The following SLC38A10 variants were observed in gnomAD, a reference collection of about 807,000 sequenced individuals.
SLC38A10 encodes solute carrier family 38 member 10, also known as Sodium-coupled neutral amino acid transporter 10.
Under a neutral mutation model 81.0 loss-of-function variants are expected in SLC38A10, and 53 were observed. The observed-to-expected ratio is 0.65, with a 90% CI of 0.53 to 0.82. SLC38A10 has a LOEUF of 0.82. Among genes scored for constraint, SLC38A10 ranks in the 40% least tolerant of loss-of-function variants. The pLI is 0.00. For synonymous variants in SLC38A10, 665 were observed against 655.3 expected (o/e 1.01, Z -0.23); for missense variants, 1,471 against 1,545.0 (o/e 0.95, Z 0.80).
chr17:81,294,983 T>C lies in SLC38A10; in HGVS notation c.-62A>G. 5 of 1,511,212 alleles carry C rather than the reference T, an allele frequency of 3.3e-6. 1 individual carries two copies. The South Asian group carries it at 6.2e-5, about 19-fold the overall frequency. The allele number at this position is 1,511,212 out of a possible 1,614,324, so 93.6% of individuals were successfully genotyped here. A position where few individuals can be genotyped will look rare whatever the true frequency, so the allele number is the denominator to read the frequency against. ...GGGGTCGCCGGGCTGCGGCCGGCTT[T>C]GGAAGCCCAGCCCGAGGCCACGGTC... On this transcript the variant is annotated 5_prime_UTR_variant, in exon 1 of 16. Coordinates refer to ENST00000374759, the MANE Select transcript of SLC38A10 (RefSeq NM_001037984.3).
At position 81,277,758 on chromosome 17, in the gene SLC38A10, G is replaced by A. The variant is rs968992426; in HGVS notation, c.627-625C>T. Among the ~76,000 whole-genome samples, 1 of 152,230 alleles carries A rather than the reference G, an allele frequency of 6.6e-6. No individual in the cohort carries two copies. Among genetic ancestry groups the A allele is most frequent in the African/African-American group, 2.4e-5 (1 of 41,452 alleles). On this transcript the variant is annotated intron_variant, in intron 6 of 15. Transcript: ENST00000374759. This position sits in a 1 kb window ranked among gnomAD's most constrained non-coding sequence, Gnocchi z 4.5. ...TGACAGCCCTGCACAGGCAGCAGACGCATCCGAGGGACCTGCACAGGGACC... is the reference window on the plus strand; with the variant it reads ...TGACAGCCCTGCACAGGCAGCAGACACATCCGAGGGACCTGCACAGGGACC...
At chr17:81,258,850 C>T (rs935337796) in intron 11 of SLC38A10, among the ~76,000 whole-genome samples, 6 of 152,226 alleles carry the variant, frequency 3.9e-5, no homozygotes, top group African/African-American at 9.6e-5. Context: ...CCGGCTGCTT[C>T]GGAACACTCC....
chr17:81,260,490 G>A (rs1454943750), intron 10 of SLC38A10, 96 bp from the exon 11 acceptor site: 3 of 1,442,370 alleles, frequency 2.1e-6, no homozygotes, highest in African/African-American at 1.4e-5. Context: ...CAGGGACGGG[G>A]TGAGGCACGA....
chr17:81,262,865 C>G (rs1473815841), intron 10 of SLC38A10: 1 of 152,208 alleles, frequency 6.6e-6, no homozygotes, highest in African/African-American at 2.4e-5. Flanking sequence ...ACTGATGGGC[C>G]AAAGAAACAT....
chr17:81,276,486 G>A lies in SLC38A10; in HGVS notation c.730-335C>T, dbSNP rs1463709854. Among the ~76,000 whole-genome samples the A allele has an allele frequency of 1.3e-5, 2 of 151,354 alleles. No homozygotes were observed. The highest frequency in any genetic ancestry group is 2.9e-5 in the Non-Finnish European group (2 of 67,932). On this transcript the variant is annotated intron_variant, in intron 7 of 15. Transcript: ENST00000374759. The surrounding 1 kb of genome is among the most constrained non-coding windows in gnomAD (Gnocchi z 4.7). The stretch of plus-strand genomic sequence containing the variant: ...GGCGTACCTCTGCCTCCCCGGTCCT[G>A]GTTCAAGCAATTCTCCTGCCTCAGC...
chr17:81,256,228 C>G (rs746550529), intron 11 of SLC38A10, among the ~76,000 whole-genome samples: 4 of 152,252 alleles, frequency 2.6e-5, no homozygotes, highest in East Asian at 1.9e-4. Context: ...CATGGAGGCC[C>G]CAAGGCTGCC....
chr17:81,279,086 G>A (rs1238863795), intron 6 of SLC38A10, among the ~76,000 whole-genome samples: 2 of 152,242 alleles, frequency 1.3e-5, no homozygotes, highest in African/African-American at 4.8e-5. Context: ...CAGCCTCTGA[G>A]CCTCAGGGCC....
Position 81,280,689 on chromosome 17 carries a change from C to T in SLC38A10, c.546G>A (p.Trp182Ter), listed in dbSNP as rs770778765. 23 of 1,613,758 alleles carry T rather than the reference C, an allele frequency of 1.4e-5. No homozygotes were observed. The highest frequency in any genetic ancestry group is 1.6e-5 in the Non-Finnish European group (19 of 1,179,996). The change falls in exon 6 of 16, where the codon TGG becomes TGA. Residue 182 changes from tryptophan (W) to a stop codon, truncating the protein, a stop_gained. Coordinates refer to ENST00000374759, the MANE Select transcript of SLC38A10 (RefSeq NM_001037984.3). LOFTEE classifies it high-confidence loss of function. ...AGCGGACGTAGCTGACCCGCCGCAG[C>T]CACTGCCCACTGAAGAGGCCGTGCT... ...SLKHGLFSGQ[W>*]LRRVSYVRWE...
intron 10 of SLC38A10, among the ~76,000 whole-genome samples, chr17:81,266,990 G>A (rs961101937): frequency 6.6e-6 from 1 of 152,252 alleles, no homozygotes; most frequent in Non-Finnish European, 1.5e-5. Context: ...GAGGCGAGAT[G>A]AGAATTAAAG....
intron 8 of SLC38A10, among the ~76,000 whole-genome samples, chr17:81,274,445 G>C (rs1304736933): frequency 6.6e-6 from 1 of 152,230 alleles, no homozygotes; most frequent in Non-Finnish European, 1.5e-5. Context: ...TGGATTCTCT[G>C]AGACCACTCA....
intron 6 of SLC38A10, chr17:81,280,305 G>T (rs961130563): frequency 1.4e-5 from 7 of 498,900 alleles, no homozygotes; most frequent in Non-Finnish European, 2.2e-5. Flanking sequence ...ACTCTGTGCA[G>T]TCAGATGGCT....
chr17:81,284,856 T>C lies in SLC38A10; in HGVS notation c.257A>G (p.Glu86Gly). Residue 86 changes from glutamate to glycine, a missense_variant, in exon 3 of 16, where the codon GAG (glutamate) becomes GGG (glycine). Coordinates refer to ENST00000374759, the MANE Select transcript of SLC38A10 (RefSeq NM_001037984.3). ...AYGKAGKMLVETSMIGLMLGT... is the reference protein window; with the variant it reads ...AYGKAGKMLVGTSMIGLMLGT... ...GCGGCAGGGCGGGGCTTACCTGGTC[T>C]CCACCAGCATCTTGCCTGCCTTCCC... is the stretch of plus-strand genomic sequence containing the variant. 1.3e-6 allele frequency: 2 copies of C among 1,543,150 alleles called. No individual in the cohort carries two copies. Among genetic ancestry groups the C allele is most frequent in the South Asian group, 1.2e-5 (1 of 83,036 alleles).
At chr17:81,268,707 T>C (rs1049238585) in intron 10 of SLC38A10, among the ~76,000 whole-genome samples, 4 of 152,174 alleles carry the variant, frequency 2.6e-5, no homozygotes, top group Admixed American at 1.3e-4. Flanking sequence ...ATTTAAAATG[T>C]TTGATTGATC....
At position 81,245,581 on chromosome 17, in the gene SLC38A10, G is replaced by T. The variant is rs144447347; in HGVS notation, c.3335C>A (p.Ala1112Glu). 13 of 1,609,622 alleles carry T rather than the reference G, an allele frequency of 8.1e-6. No individual in the cohort carries two copies. The South Asian group carries it at 1.3e-4, about 16-fold the overall frequency. ...QVVHSRQLRQAPGPPEES is the reference protein window; with the variant it reads ...QVVHSRQLRQEPGPPEES The stretch of plus-strand genomic sequence containing the variant: ...CTAGGACTCCTCTGGAGGCCCAGGC[G>T]CCTGTCTAAGCTGCCGGCTGTGGAC... Residue 1112 changes from alanine (A) to glutamate (E), a missense_variant, in exon 16 of 16, where the codon GCG becomes GAG. This residue lies in a region of SLC38A10 where 751 missense variants were observed against 717.4 expected (regional missense o/e 1.05). Coordinates refer to ENST00000374759, the MANE Select transcript of SLC38A10 (RefSeq NM_001037984.3).
chr17:81,285,194 G>A (rs1397555735), intron 2 of SLC38A10: 3 of 283,338 alleles, frequency 1.1e-5, no homozygotes, highest in Non-Finnish European at 2.0e-5. Flanking sequence ...CCTCCCACCC[G>A]GTGACCACTG....
Position 81,251,539 on chromosome 17 carries a change from C to CCTCT in SLC38A10, c.2015_2018dup (p.Asp674GlufsTer72). 1 of 1,549,782 alleles carries CCTCT rather than the reference C, an allele frequency of 6.5e-7. No individual in the cohort carries two copies. The highest frequency in any genetic ancestry group is 8.7e-7 in the Non-Finnish European group (1 of 1,152,834). On this transcript the variant is annotated frameshift_variant, in exon 14 of 16. Transcript: ENST00000374759. LOFTEE classifies it high-confidence loss of function. ...GGTTTCCACCCGCTCGCTCCACGTCCCTCTGCTCGCGAGGCTCGGGCGGCA... is the reference window on the plus strand; with the variant it reads ...GGTTTCCACCCGCTCGCTCCACGTCCCTCTCTCTGCTCGCGAGGCTCGGGCGGCA...
At chr17:81,249,327 A>G (rs1398149058) in intron 14 of SLC38A10, among the ~76,000 whole-genome samples, 3 of 14,108 alleles carry the variant, frequency 2.1e-4, no homozygotes, top group Non-Finnish European at 2.4e-4. Flanking sequence ...GAAGAGGAGG[A>G]AGGAGGGAAG....
rs746565852 is a variant in SLC38A10 at position 81,245,942 on chromosome 17, C to A, written c.2974G>T (p.Asp992Tyr). ...HLEMRKARGG[D>Y]HVPVSHEQPR... ...TGCTCGTGGGACACAGGCACATGGT[C>A]CCCCCCGCGGGCCTTTCTCATCTCC... The change falls in exon 16 of 16, where the codon GAC becomes TAC. Residue 992 changes from aspartate (D) to tyrosine (Y), a missense_variant. Asp to Tyr is a radical substitution (Grantham distance 160). Coordinates refer to ENST00000374759, the MANE Select transcript of SLC38A10 (RefSeq NM_001037984.3). The A allele has an allele frequency of 5.6e-6, 9 of 1,606,592 alleles. No individual in the cohort carries two copies. Among genetic ancestry groups the A allele is most frequent in the African/African-American group, 1.3e-5 (1 of 74,908 alleles).
At chr17:81,282,434 A>C (rs1178419934) in intron 4 of SLC38A10, 102 bp from the exon 5 acceptor site, 2 of 1,473,788 alleles carry the variant, frequency 1.4e-6, no homozygotes, top group Non-Finnish European at 1.8e-6. Context: ...CCGAAAGCCG[A>C]CGGCATCCAG....
Sources: allele counts gnomAD v4.1 joint callset (sites outside exome capture counted in the v4.1 genomes callset), GRCh38; gene constraint gnomAD v4.1.1; regional missense constraint gnomAD v4.1.1; non-coding constraint Gnocchi (gnomAD v3.1); transcripts MANE v1.5; gene names NCBI Gene and HGNC (gene_info 2026-07-23, HGNC 2026-07-21).